Variants in RCC1 observed in about 807,000 individuals in gnomAD.
The protein encoded by RCC1 is regulator of chromosome condensation 1.
In RCC1, 11 loss-of-function variants were observed where a neutral mutation model predicts 44.4. The ratio of observed to expected loss-of-function variants is 0.25; its 90% CI spans 0.16 to 0.41. The LOEUF (loss-of-function observed/expected upper bound fraction) is 0.41, where lower values mean the gene tolerates loss of function less well. Ranked by LOEUF, RCC1 falls within the 10% of genes least tolerant of loss-of-function variation. The pLI, the probability that RCC1 is intolerant of heterozygous loss-of-function variation, is 1.00. For missense variants in RCC1, 386 were observed against 547.1 expected, an observed-to-expected ratio of 0.71 and a Z score of 2.94; for synonymous variants, 213 against 216.5, an observed-to-expected ratio of 0.98 and a Z score of 0.14.
At chr1:28,515,029 A>G (rs1662806124) in intron 3 of RCC1, among the ~76,000 whole-genome samples, 1 of 151,916 alleles carries the variant, frequency 6.6e-6, no homozygotes, top group Non-Finnish European at 1.5e-5. Context: ...TGTAATTCCA[A>G]CACTTTGGGA....
intron 4 of RCC1, chr1:28,527,173 G>T: frequency 1.6e-6 from 2 of 1,235,406 alleles, no homozygotes; most frequent in Non-Finnish European, 1.2e-6. Context: ...CCAAGGAATG[G>T]CACTCACATG....
Position 28,536,602 on chromosome 1 carries a change from C to A in RCC1, c.938-145C>A. On this transcript the variant is annotated intron_variant, in intron 11 of 12. Transcript: ENST00000683442. This position sits in a 1 kb window ranked among gnomAD's most constrained non-coding sequence, Gnocchi z 4.9. ...AGATTCTCCTAGGCCTCCTCCAAAA[C>A]TGGGAAGAGACACTGCAGATCTCCT... 1 of 1,154,206 alleles carries A rather than the reference C, an allele frequency of 8.7e-7. No homozygotes were observed. Among genetic ancestry groups the A allele is most frequent in the Non-Finnish European group, 1.2e-6 (1 of 810,596 alleles). The allele number at this position is 1,154,206 out of a possible 1,614,324, so 71.5% of individuals were successfully genotyped here. A position where few individuals can be genotyped will look rare whatever the true frequency, so the allele number is the denominator to read the frequency against.
At chr1:28,515,182 C>CGGA (rs1557869229) in intron 3 of RCC1, among the ~76,000 whole-genome samples, 3 of 151,882 alleles carry the variant, frequency 2.0e-5, no homozygotes, top group African/African-American at 4.8e-5. Context: ...CCCAGCTACT[C>CGGA]GGGAGGCTGA....
intron 4 of RCC1, among the ~76,000 whole-genome samples, chr1:28,522,804 A>G (rs2840765): frequency 0.45 from 68,770 of 151,264 alleles, 18,407 homozygotes; most frequent in African/African-American, 0.74. Flanking sequence ...AACAGAGTGA[A>G]ACCCTGTCTC....
intron 3 of RCC1, among the ~76,000 whole-genome samples, chr1:28,513,643 AT>A (rs1166696762): frequency 6.6e-6 from 1 of 151,930 alleles, no homozygotes; most frequent in Non-Finnish European, 1.5e-5. Flanking sequence ...CAGTGGCAAG[AT>A]TATGACTCAC....
intron 4 of RCC1, among the ~76,000 whole-genome samples, chr1:28,522,293 G>C (rs1192917309): frequency 6.6e-6 from 1 of 152,132 alleles, no homozygotes; most frequent in Non-Finnish European, 1.5e-5. Context: ...AGTATGGAGA[G>C]GACAGTTAGC....
intron 4 of RCC1, among the ~76,000 whole-genome samples, chr1:28,519,761 C>A (rs1010286999): frequency 3.4e-4 from 52 of 150,938 alleles, no homozygotes; most frequent in Admixed American, 3.4e-3. Context: ...TTAGTAGAGA[C>A]GGGGTTTCAC....
intron 3 of RCC1, chr1:28,509,358 C>T (rs1171599330): frequency 1.2e-5 from 2 of 170,598 alleles, no homozygotes; most frequent in Non-Finnish European, 2.5e-5. Context: ...TCTCCTGCCT[C>T]AGCCTCCCAA....
At chr1:28,512,914 C>G (rs994202964) in intron 3 of RCC1, among the ~76,000 whole-genome samples, 2 of 152,006 alleles carry the variant, frequency 1.3e-5, no homozygotes, top group African/African-American at 4.8e-5. Flanking sequence ...CCTGCCTCAG[C>G]GTCCCCAGCA....
chr1:28,521,499 C>CAAAAAAA (rs1419032083), intron 4 of RCC1, among the ~76,000 whole-genome samples: 1 of 117,422 alleles, frequency 8.5e-6, no homozygotes, highest in African/African-American at 3.4e-5. Context: ...GACTCCACCT[C>CAAAAAAA]AGAAAAAAAA....
intron 3 of RCC1, among the ~76,000 whole-genome samples, chr1:28,516,501 CAAA>C (rs558641226): frequency 2.9e-4 from 35 of 119,516 alleles, no homozygotes; most frequent in African/African-American, 3.1e-4. Flanking sequence ...GACCCCATCT[CAAA>C]AAAAAAAAAA....
rs899430676 is a variant in RCC1, at chr1:28,508,346, C to T, written c.-229+186C>T. ...TTTTGTAGGCATGTTGACATAACTT[C>T]AACATATGCTCTGTTCTGTAAAAAT... On this transcript the variant is annotated intron_variant, in intron 2 of 12. Coordinates refer to ENST00000683442, the MANE Select transcript of RCC1 (RefSeq NM_001381865.2). 7 of 352,940 alleles carry T rather than the reference C, an allele frequency of 2.0e-5. 1 individual carries two copies. Among genetic ancestry groups the T allele is most frequent in the Non-Finnish European group, 3.9e-5 (7 of 177,318 alleles). The allele number at this position is 352,940 out of a possible 1,614,324, so 21.9% of individuals were successfully genotyped here.
chr1:28,510,370 G>T (rs1557866375), intron 3 of RCC1: 1 of 152,218 alleles, frequency 6.6e-6, no homozygotes, highest in African/African-American at 2.4e-5. Flanking sequence ...AGGCTTGGTG[G>T]CTCACACCCG....
intron 3 of RCC1, among the ~76,000 whole-genome samples, chr1:28,512,032 T>G (rs1366418994): frequency 6.9e-6 from 1 of 145,922 alleles, no homozygotes; most frequent in Non-Finnish European, 1.5e-5. Context: ...TGGAGTGCAG[T>G]GGCGTGATCT....
chr1:28,530,663 C>A, intron 5 of RCC1: 4 of 1,472,708 alleles, frequency 2.7e-6, no homozygotes, highest in Non-Finnish European at 3.7e-6. Context: ...GCGGGCTCCT[C>A]AGCGGTGGCC....
chr1:28,511,128 A>T (rs565189330), intron 3 of RCC1, among the ~76,000 whole-genome samples: 1 of 152,252 alleles, frequency 6.6e-6, no homozygotes, highest in South Asian at 2.1e-4. Flanking sequence ...TTGGTTGCCT[A>T]TCTTAGGAGT....
chr1:28,518,581 C>T lies in RCC1; in HGVS notation c.-10+1714C>T, dbSNP rs1322302056. 7 of 149,860 alleles carry T rather than the reference C, an allele frequency of 4.7e-5. No homozygotes were observed. The East Asian group carries it at 7.9e-4, about 17-fold the overall frequency. 9.3% of individuals were successfully genotyped at this position (149,860 alleles called of 1,614,324 possible). On this transcript the variant is annotated intron_variant, in intron 4 of 12. Transcript: ENST00000683442. Reference sequence around the variant, plus strand: ...TCCGCCGCCGCGCCTCTCACGCCCGCACCGCGGCGCCCGCGCAGGCGGGAG... The same window carrying T: ...TCCGCCGCCGCGCCTCTCACGCCCGTACCGCGGCGCCCGCGCAGGCGGGAG...
chr1:28,507,609 T>C (rs201569316), intron 1 of RCC1: 7 of 478,372 alleles, frequency 1.5e-5, no homozygotes, highest in African/African-American at 1.5e-4. Flanking sequence ...TCTTTTTTTT[T>C]TTTTTTTTTT....
chr1:28,536,745 A>T lies in RCC1; in HGVS notation c.938-2A>T. On this transcript the variant is annotated splice_acceptor_variant, in intron 11 of 12. Coordinates refer to ENST00000683442, the MANE Select transcript of RCC1 (RefSeq NM_001381865.2). LOFTEE classifies it high-confidence loss of function. The surrounding 1 kb of genome is among the most constrained non-coding windows in gnomAD (Gnocchi z 4.9). ...TGCTCATCTCTCTCCCTCCTCCCAT[A>T]GGAAAAGCATACAGCCTGGGCCGGG... The T allele has an allele frequency of 6.2e-7, 1 of 1,613,710 alleles. No homozygotes were observed. The highest frequency in any genetic ancestry group is 8.5e-7 in the Non-Finnish European group (1 of 1,179,764).
Sources: gnomAD v4.1 joint callset for allele counts (sites outside exome capture counted in the v4.1 genomes callset) on GRCh38, gnomAD v4.1.1 for gene constraint, Gnocchi (gnomAD v3.1) non-coding constraint, MANE v1.5 for transcripts, NCBI Gene and HGNC (gene_info 2026-07-23, HGNC 2026-07-21) for gene names.